ALPL: variants seen among roughly 807,000 people sequenced by gnomAD.
The protein encoded by ALPL is alkaline phosphatase, tissue-nonspecific isozyme.
Under a neutral mutation model 51.3 loss-of-function variants are expected in ALPL, and 42 were observed. The ratio of observed to expected loss-of-function variants is 0.82; its 90% CI spans 0.64 to 1.06. The LOEUF is 1.06. Ranked by LOEUF, ALPL falls within the 50% of genes least tolerant of loss-of-function variation. The probability of loss-of-function intolerance (pLI) is 0.00; values close to 1 mark genes in which losing one functional copy is unlikely to be tolerated. For missense variants in ALPL, 589 were observed against 709.4 expected (o/e 0.83, Z 1.93); for synonymous variants, 279 against 296.4 (o/e 0.94, Z 0.60).
intron 1 of ALPL, among the ~76,000 whole-genome samples, chr1:21,532,789 A>G (rs540450178): frequency 6.6e-6 from 1 of 152,032 alleles, no homozygotes; most frequent in Non-Finnish European, 1.5e-5. Context: ...GCACATCCTC[A>G]AGACTCCTTC....
At chr1:21,571,468 T>G (rs6656758) in intron 8 of ALPL, among the ~76,000 whole-genome samples, 5 of 151,890 alleles carry the variant, frequency 3.3e-5, no homozygotes, top group South Asian at 4.2e-4. Flanking sequence ...GTCAGGAGAT[T>G]GAGACCATCC....
intron 9 of ALPL, among the ~76,000 whole-genome samples, chr1:21,575,116 C>T (rs1644709321): frequency 6.6e-6 from 1 of 152,232 alleles, no homozygotes; most frequent in Non-Finnish European, 1.5e-5. Flanking sequence ...ACTGCCCAGG[C>T]ACTGGGGACT....
chr1:21,574,325 A>G lies in ALPL; in HGVS notation c.997+526A>G, dbSNP rs753141034. 4.2e-5 allele frequency: 21 copies of G among 498,296 alleles called. 1 individual carries two copies. Among genetic ancestry groups the G allele is most frequent in the Middle Eastern group, 9.9e-4 (1 of 1,006 alleles). The allele number at this position is 498,296 out of a possible 1,614,324, so 30.9% of individuals were successfully genotyped here. On this transcript the variant is annotated intron_variant, in intron 9 of 11. Coordinates refer to ENST00000374840, the MANE Select transcript of ALPL (RefSeq NM_000478.6). ...GTCTCCTGGAGAGTGATTCGCCTCC[A>G]TTGTGTTCAGAGACATAAAGTACTT...
chr1:21,551,260 A>G (rs190901017), intron 1 of ALPL: 2 of 152,234 alleles, frequency 1.3e-5, no homozygotes, highest in African/African-American at 4.8e-5. Flanking sequence ...GAGACAAACA[A>G]GACAAAGTCC....
At position 21,560,713 on chromosome 1, in the gene ALPL, T is replaced by G; in HGVS notation, c.149T>G (p.Val50Gly). 1 of 1,614,120 alleles carries G rather than the reference T, an allele frequency of 6.2e-7. No individual in the cohort carries two copies. Among genetic ancestry groups the G allele is most frequent in the Non-Finnish European group, 8.5e-7 (1 of 1,180,016 alleles). The change falls in exon 3 of 12, where the codon GTG becomes GGG. Residue 50 changes from valine (V) to glycine (G), a missense_variant. Physicochemically the swap from Val to Gly is moderately radical, Grantham distance 109. Coordinates refer to ENST00000374840, the MANE Select transcript of ALPL (RefSeq NM_000478.6). ...GAGCTTCAGAAGCTCAACACCAACG[T>G]GGCTAAGAATGTCATCATGTTCCTG... ...ALELQKLNTN[V>G]AKNVIMFLGD...
At chr1:21,576,762 C>A (rs1644743407) in intron 11 of ALPL, 121 bp downstream of exon 11, 6 of 1,379,274 alleles carry the variant, frequency 4.4e-6, no homozygotes, top group Non-Finnish European at 6.0e-6. Context: ...GCTTGAGTCC[C>A]AGTTTGATTG....
chr1:21,546,338 C>T (rs967896528), intron 1 of ALPL, among the ~76,000 whole-genome samples: 4 of 152,144 alleles, frequency 2.6e-5, no homozygotes, highest in African/African-American at 9.7e-5. Context: ...GTGTCTCCTC[C>T]TGACCTTGGG....
At chr1:21,525,582 G>A (rs1643930655) in intron 1 of ALPL, among the ~76,000 whole-genome samples, 1 of 152,366 alleles carries the variant, frequency 6.6e-6, no homozygotes, top group South Asian at 2.1e-4. Context: ...GGAAAGACGG[G>A]TGCGGGAGGA....
chr1:21,553,205 T>A (rs543272672), intron 1 of ALPL, among the ~76,000 whole-genome samples: 22 of 151,920 alleles, frequency 1.4e-4, no homozygotes, highest in East Asian at 3.8e-4. Flanking sequence ...ATATATATAT[T>A]TTTTAAAAAT....
intron 1 of ALPL, among the ~76,000 whole-genome samples, chr1:21,552,122 CCT>C (rs1491261275): frequency 0.045 from 147 of 3,240 alleles, 6 homozygotes; most frequent in African/African-American, 0.1. Flanking sequence ...CCTTCCCTTT[CCT>C]CCCTCCCCTC....
chr1:21,533,081 A>G (rs1226610204), intron 1 of ALPL, among the ~76,000 whole-genome samples: 1 of 152,308 alleles, frequency 6.6e-6, no homozygotes, highest in Admixed American at 6.5e-5. Context: ...ACTTAACGCT[A>G]TGTATCATGG....
At chr1:21,577,330 C>T (rs1034244028) in intron 11 of ALPL, 53 bp from the exon 12 acceptor site, 30 of 1,611,936 alleles carry the variant, frequency 1.9e-5, no homozygotes, top group South Asian at 7.7e-5. Flanking sequence ...AAGCTGCGTG[C>T]GCAGCGCCAG....
chr1:21,540,814 C>G (rs1039730668), intron 1 of ALPL, among the ~76,000 whole-genome samples: 1 of 152,114 alleles, frequency 6.6e-6, no homozygotes, highest in African/African-American at 2.4e-5. Context: ...CACTTCTGGC[C>G]CATACCCTGT....
rs1263335381 is a variant in ALPL, at chr1:21,509,946, G to A, written c.-105+429G>A. Among the ~76,000 whole-genome samples the A allele has an allele frequency of 1.3e-5, 2 of 152,206 alleles. No individual in the cohort carries two copies. The highest frequency in any genetic ancestry group is 3.9e-4 in the East Asian group (2 of 5,182). ...TAGAGACCTGGGCTGCCAACCCCAA[G>A]GCCTCGTGGCCTGGCGCCCTCCCAG... is the stretch of plus-strand genomic sequence containing the variant. On this transcript the variant is annotated intron_variant, in intron 1 of 11. Coordinates refer to ENST00000374840, the MANE Select transcript of ALPL (RefSeq NM_000478.6). The surrounding 1 kb of genome is among the most constrained non-coding windows in gnomAD (Gnocchi z 6.0).
chr1:21,518,438 C>A (rs898684413), intron 1 of ALPL, among the ~76,000 whole-genome samples: 2 of 152,092 alleles, frequency 1.3e-5, no homozygotes, highest in Non-Finnish European at 2.9e-5. Context: ...CCTGGGTTTG[C>A]CCAGCTGGTA....
At chr1:21,510,530 G>C (rs964805526) in intron 1 of ALPL, among the ~76,000 whole-genome samples, 1 of 152,202 alleles carries the variant, frequency 6.6e-6, no homozygotes. Flanking sequence ...GGCCTACCGT[G>C]CGTAGAGGGA....
chr1:21,563,513 G>A (rs188487892), intron 5 of ALPL, among the ~76,000 whole-genome samples: 43 of 152,192 alleles, frequency 2.8e-4, no homozygotes, highest in African/African-American at 1.0e-3. Flanking sequence ...TCTCTGAGTC[G>A]ATTCTTCATT....
intron 6 of ALPL, among the ~76,000 whole-genome samples, chr1:21,567,442 GC>G (rs1416178532): frequency 2.0e-5 from 3 of 152,234 alleles, no homozygotes; most frequent in African/African-American, 7.2e-5. Flanking sequence ...GTGAGGCCCG[GC>G]CCCGCTGTTT....
intron 1 of ALPL, among the ~76,000 whole-genome samples, chr1:21,521,288 G>A (rs192230439): frequency 7.2e-5 from 11 of 152,046 alleles, no homozygotes; most frequent in Admixed American, 2.6e-4. Flanking sequence ...GGGTTCAAGC[G>A]ATTCTCCTGC....
Sources: allele counts gnomAD v4.1 joint callset (sites outside exome capture counted in the v4.1 genomes callset), GRCh38; gene constraint gnomAD v4.1.1; non-coding constraint Gnocchi (gnomAD v3.1); transcripts MANE v1.5; gene names NCBI Gene and HGNC (gene_info 2026-07-23, HGNC 2026-07-21).